DACH1: variants seen among roughly 807,000 people sequenced by gnomAD.
DACH1 encodes dachshund homolog 1.
A neutral mutation model predicts 54.2 loss-of-function variants in DACH1; 12 were observed. The ratio of observed to expected loss-of-function variants is 0.22; its 90% CI spans 0.14 to 0.36. The LOEUF is 0.36. DACH1 is among the 10% of genes least tolerant of loss of function. DACH1 has a pLI of 1.00. For missense variants in DACH1, 805 were observed against 929.8 expected (o/e 0.87, Z 1.75); for synonymous variants, 386 against 366.2 (o/e 1.05, Z -0.62).
intron 6 of DACH1, among the ~76,000 whole-genome samples, chr13:71,530,826 C>A (rs1005989410): frequency 7.9e-5 from 12 of 152,118 alleles, no homozygotes; most frequent in African/African-American, 2.9e-4. Context: ...GTAAAGACCT[C>A]AGATTTCTTT....
chr13:71,856,596 T>G (rs1874018670), intron 1 of DACH1, among the ~76,000 whole-genome samples: 1 of 151,850 alleles, frequency 6.6e-6, no homozygotes, highest in Non-Finnish European at 1.5e-5. Flanking sequence ...CCGAATACTG[T>G]GTACAAGGTT....
At chr13:71,567,534 G>A (rs1884964070) in intron 4 of DACH1, among the ~76,000 whole-genome samples, 1 of 151,884 alleles carries the variant, frequency 6.6e-6, no homozygotes, top group Non-Finnish European at 1.5e-5. Context: ...CAAAATTCTA[G>A]AACTTACTTT....
chr13:71,464,616 T>C (rs868499534), intron 10 of DACH1: 1 of 448,104 alleles, frequency 2.2e-6, no homozygotes, highest in African/African-American at 2.0e-5. Context: ...ATTAGACCCA[T>C]GCAAATATTT....
At chr13:71,744,052 C>T (rs1341562326) in intron 1 of DACH1, among the ~76,000 whole-genome samples, 1 of 152,144 alleles carries the variant, frequency 6.6e-6, no homozygotes, top group African/African-American at 2.4e-5. Context: ...GGAAATTTTA[C>T]TGTCCTGACC....
intron 1 of DACH1, among the ~76,000 whole-genome samples, chr13:71,707,672 A>G (rs763695061): frequency 2.6e-5 from 4 of 152,214 alleles, no homozygotes; most frequent in Non-Finnish European, 5.9e-5. Context: ...AGGGCCTTAA[A>G]AGCCTACCTA....
At chr13:71,621,030 T>C (rs1278601639) in intron 3 of DACH1, among the ~76,000 whole-genome samples, 1 of 143,418 alleles carries the variant, frequency 7.0e-6, no homozygotes, top group Non-Finnish European at 1.5e-5. Context: ...CACATTTTCT[T>C]ATAATTTTTA....
At chr13:71,477,016 AAAT>A (rs1472361303) in intron 8 of DACH1, among the ~76,000 whole-genome samples, 3 of 149,138 alleles carry the variant, frequency 2.0e-5, no homozygotes, top group African/African-American at 7.3e-5. Flanking sequence ...TCAAATTATA[AAAT>A]AATAACGACT....
intron 10 of DACH1, among the ~76,000 whole-genome samples, chr13:71,470,064 A>C (rs1189210831): frequency 6.6e-6 from 1 of 152,216 alleles, no homozygotes; most frequent in East Asian, 1.9e-4. Flanking sequence ...TGGTTTTAAA[A>C]AACTTGTTTT....
intron 1 of DACH1, among the ~76,000 whole-genome samples, chr13:71,822,101 T>G (rs562445985): frequency 1.3e-5 from 2 of 152,020 alleles, no homozygotes; most frequent in South Asian, 2.1e-4. Flanking sequence ...ACCAGCAAAA[T>G]TATATATAAA....
intron 1 of DACH1, among the ~76,000 whole-genome samples, chr13:71,758,616 A>T (rs1187962763): frequency 6.6e-6 from 1 of 152,146 alleles, no homozygotes; most frequent in African/African-American, 2.4e-5. Flanking sequence ...AATACCTTGA[A>T]ACGCACCACT....
chr13:71,643,681 G>A (rs1878066420), intron 2 of DACH1, among the ~76,000 whole-genome samples: 1 of 151,960 alleles, frequency 6.6e-6, no homozygotes, highest in Non-Finnish European at 1.5e-5. Flanking sequence ...CAAGAAACTG[G>A]TAATAAATGA....
chr13:71,737,458 A>G (rs945997385), intron 1 of DACH1, among the ~76,000 whole-genome samples: 4 of 152,196 alleles, frequency 2.6e-5, no homozygotes, highest in African/African-American at 9.7e-5. Context: ...CACAGAACAT[A>G]CAATATTTAT....
At chr13:71,613,214 C>A (rs912873817) in intron 3 of DACH1, among the ~76,000 whole-genome samples, 10 of 152,128 alleles carry the variant, frequency 6.6e-5, no homozygotes, top group African/African-American at 2.4e-4. Context: ...GATCCACTGG[C>A]CAGTTTTTAA....
At chr13:71,718,284 T>TA (rs36028393) in intron 1 of DACH1, among the ~76,000 whole-genome samples, 6 of 151,660 alleles carry the variant, frequency 4.0e-5, no homozygotes, top group Admixed American at 6.6e-5. Context: ...CAGTTAGACT[T>TA]AAAAAAAAGC....
chr13:71,562,708 T>C (rs1183917188), intron 4 of DACH1, among the ~76,000 whole-genome samples: 2 of 152,086 alleles, frequency 1.3e-5, no homozygotes, highest in Non-Finnish European at 2.9e-5. Context: ...AACATGTATA[T>C]GACTTAAAAG....
chr13:71,757,627 G>A (rs928087886), intron 1 of DACH1, among the ~76,000 whole-genome samples: 4 of 151,062 alleles, frequency 2.6e-5, no homozygotes, highest in African/African-American at 4.9e-5. Context: ...AGGTTCAAGC[G>A]ATGCTCCAGC....
At position 71,459,325 on chromosome 13, in the gene DACH1, C is replaced by T. The variant is rs536258204; in HGVS notation, c.2083+15816G>A. ...AGTATATTGATAGCAGTCTGGAAGC[C>T]ATACTGGAAGAATGTGTTCATCCAT... On this transcript the variant is annotated intron_variant, in intron 10 of 10. Coordinates refer to ENST00000613252, the MANE Select transcript of DACH1 (RefSeq NM_080759.6). Among the ~76,000 whole-genome samples, 8 of 151,922 alleles carry T rather than the reference C, an allele frequency of 5.3e-5. No individual in the cohort carries two copies. The East Asian group carries it at 1.5e-3, about 29-fold the overall frequency.
At chr13:71,673,852 A>G (rs1020033840) in intron 2 of DACH1, among the ~76,000 whole-genome samples, 1 of 152,192 alleles carries the variant, frequency 6.6e-6, no homozygotes, top group Non-Finnish European at 1.5e-5. Context: ...AATTCCATCA[A>G]TTGATGATTA....
chr13:71,452,221 C>A (rs1207776066), intron 10 of DACH1, among the ~76,000 whole-genome samples: 1 of 152,092 alleles, frequency 6.6e-6, no homozygotes, highest in Non-Finnish European at 1.5e-5. Flanking sequence ...CCTCCGCCTC[C>A]TGGGCTCCAG....
Sources: gnomAD v4.1 joint callset for allele counts (sites outside exome capture counted in the v4.1 genomes callset) on GRCh38, gnomAD v4.1.1 for gene constraint, MANE v1.5 for transcripts, NCBI Gene and HGNC (gene_info 2026-07-23, HGNC 2026-07-21) for gene names.